POLA1: variants seen among roughly 807,000 people sequenced by gnomAD.
The protein encoded by POLA1 is DNA polymerase alpha catalytic subunit.
A neutral mutation model predicts 124.0 loss-of-function variants in POLA1; 15 were observed. The observed-to-expected ratio is 0.12, with a 90% CI of 0.08 to 0.19. The LOEUF is 0.19. Ranked by LOEUF, POLA1 falls within the 10% of genes least tolerant of loss-of-function variation. The pLI is 1.00. For synonymous variants in POLA1, 408 were observed against 389.4 expected, an observed-to-expected ratio of 1.05 and a Z score of -0.56; for missense variants, 886 against 1,103.4, an observed-to-expected ratio of 0.80 and a Z score of 2.79.
intron 36 of POLA1, among the ~76,000 whole-genome samples, chrX:24,966,899 A>G (rs2048230017): frequency 8.9e-6 from 1 of 112,604 alleles, no homozygotes; most frequent in Admixed American, 9.4e-5. Flanking sequence ...ATGATAGGGA[A>G]TGTAATTGGT....
chrX:24,867,899 T>C (rs1035359853), intron 34 of POLA1, among the ~76,000 whole-genome samples: 1 of 110,169 alleles, frequency 9.1e-6, no homozygotes, highest in East Asian at 2.8e-4. Context: ...ATTTTAATAT[T>C]ACAGCTTTTC....
intron 26 of POLA1, among the ~76,000 whole-genome samples, chrX:24,808,358 C>T (rs984482929): frequency 8.9e-6 from 1 of 111,973 alleles, no homozygotes; most frequent in Non-Finnish European, 1.9e-5. Context: ...CAGGAATTCT[C>T]CTTACGTTTA....
At chrX:24,895,394 CG>C (rs2047194297) in intron 35 of POLA1, among the ~76,000 whole-genome samples, 1 of 111,975 alleles carries the variant, frequency 8.9e-6, no homozygotes, top group Non-Finnish European at 1.9e-5. Flanking sequence ...AGACTGCACA[CG>C]CTTCTGAAGC....
chrX:24,848,138 C>G lies in POLA1; in HGVS notation c.4047+4461C>G, dbSNP rs192207291. Among the ~76,000 whole-genome samples the G allele has an allele frequency of 1.1e-4, 12 of 112,238 alleles. No individual in the cohort carries two copies. In the South Asian group the frequency reaches 4.4e-3, roughly 41 times the overall value. ...ATTGTCCAGATAGAAGAATCTATCT[C>G]TATATAACGTGGCAAAGAAAGTGGA... is the stretch of plus-strand genomic sequence containing the variant. On this transcript the variant is annotated intron_variant, in intron 34 of 36. Coordinates refer to ENST00000379068, the MANE Select transcript of POLA1 (RefSeq NM_001330360.2).
intron 26 of POLA1, among the ~76,000 whole-genome samples, chrX:24,801,929 GTGTGTGTGT>G (rs2148483773): frequency 1.1e-5 from 1 of 93,606 alleles, no homozygotes; most frequent in African/African-American, 4.1e-5. Context: ...GGGTGGGTGT[GTGTGTGTGT>G]GTGTGTGTGT....
chrX:24,829,629 G>A (rs1262001203), intron 32 of POLA1, among the ~76,000 whole-genome samples: 1 of 112,168 alleles, frequency 8.9e-6, no homozygotes, highest in African/African-American at 3.2e-5. Context: ...TTCAGGAGCT[G>A]AATTTCTTAT....
At chrX:24,891,769 A>C (rs1449587379) in intron 35 of POLA1, among the ~76,000 whole-genome samples, 5 of 112,088 alleles carry the variant, frequency 4.5e-5, no homozygotes, top group African/African-American at 1.6e-4. Flanking sequence ...TATTTATAAA[A>C]CTATTTTAAC....
At chrX:24,723,818 T>C (rs1930356138) in intron 11 of POLA1, among the ~76,000 whole-genome samples, 1 of 112,374 alleles carries the variant, frequency 8.9e-6, no homozygotes, top group Non-Finnish European at 1.9e-5. Flanking sequence ...GTAGCTGGGA[T>C]TACAGGCGCC....
intron 4 of POLA1, among the ~76,000 whole-genome samples, chrX:24,711,966 G>A (rs908314986): frequency 7.1e-5 from 8 of 112,458 alleles, no homozygotes; most frequent in African/African-American, 2.6e-4. Flanking sequence ...ACACTCTCAT[G>A]AACAATGTAT....
intron 36 of POLA1, among the ~76,000 whole-genome samples, chrX:24,944,311 G>A (rs1386212009): frequency 9.0e-6 from 1 of 111,190 alleles, no homozygotes; most frequent in East Asian, 2.8e-4. Context: ...TCCTTTCACA[G>A]CCAGCTTGCT....
chrX:24,936,622 C>T (rs2047851571), intron 36 of POLA1, among the ~76,000 whole-genome samples: 1 of 111,372 alleles, frequency 9.0e-6, no homozygotes, highest in Non-Finnish European at 1.9e-5. Context: ...AGCTCTGCCT[C>T]CTGGGTTCAC....
intron 4 of POLA1, among the ~76,000 whole-genome samples, chrX:24,710,212 C>T (rs1422134725): frequency 1.8e-5 from 2 of 110,175 alleles, no homozygotes; most frequent in Admixed American, 9.6e-5. Flanking sequence ...CCATCACCAT[C>T]ATCTTGTTCC....
At chrX:24,794,296 C>CT (rs1239901977) in intron 26 of POLA1, among the ~76,000 whole-genome samples, 1 of 112,203 alleles carries the variant, frequency 8.9e-6, no homozygotes, top group Non-Finnish European at 1.9e-5. Context: ...TTTAATTCTT[C>CT]TTAGCATCTC....
chrX:24,718,755 G>T (rs1193564606), intron 10 of POLA1, among the ~76,000 whole-genome samples: 1 of 111,992 alleles, frequency 8.9e-6, no homozygotes, highest in African/African-American at 3.3e-5. Flanking sequence ...TAATGGGGAA[G>T]TGTGGAAGCC....
At chrX:24,892,302 CTAAG>C (rs1228457097) in intron 35 of POLA1, among the ~76,000 whole-genome samples, 1 of 111,062 alleles carries the variant, frequency 9.0e-6, no homozygotes, top group Admixed American at 9.6e-5. Flanking sequence ...GTTTAAGTTA[CTAAG>C]TAAATAGAAC....
chrX:24,801,190 T>C (rs904216662), intron 26 of POLA1, among the ~76,000 whole-genome samples: 2 of 112,182 alleles, frequency 1.8e-5, no homozygotes, highest in Admixed American at 1.9e-4. Context: ...GCATTGTGTT[T>C]GAAGGTGGGA....
At chrX:24,709,004 C>T (rs1189030463) in intron 4 of POLA1, among the ~76,000 whole-genome samples, 19 of 90,638 alleles carry the variant, frequency 2.1e-4, no homozygotes, top group East Asian at 2.0e-3. Context: ...GGCGGCTGGC[C>T]GGGCAGGGGG....
chrX:24,868,671 C>T (rs2046826211), intron 34 of POLA1, among the ~76,000 whole-genome samples: 1 of 111,552 alleles, frequency 9.0e-6, no homozygotes, highest in African/African-American at 3.3e-5. Context: ...CTCTCATTAA[C>T]CAACAAACCA....
chrX:24,932,048 G>T (rs1358663858), intron 36 of POLA1, among the ~76,000 whole-genome samples: 1 of 111,895 alleles, frequency 8.9e-6, no homozygotes, highest in Non-Finnish European at 1.9e-5. Flanking sequence ...ATAGGCATGT[G>T]CCACCACACC....
Sources: gnomAD v4.1 joint callset for allele counts (sites outside exome capture counted in the v4.1 genomes callset) on GRCh38, gnomAD v4.1.1 for gene constraint, MANE v1.5 for transcripts, NCBI Gene and HGNC (gene_info 2026-07-23, HGNC 2026-07-21) for gene names.